ABHD5: variants seen among roughly 807,000 people sequenced by gnomAD.
ABHD5 encodes abhydrolase domain containing 5, lysophosphatidic acid acyltransferase, also known as 1-acylglycerol-3-phosphate O-acyltransferase ABHD5.
In ABHD5, 30 loss-of-function variants were observed where a neutral mutation model predicts 44.9. The observed-to-expected ratio is 0.67, with a 90% CI of 0.50 to 0.91. ABHD5 has a LOEUF of 0.91. Ranked by LOEUF, ABHD5 falls within the 40% of genes least tolerant of loss-of-function variation. The pLI is 0.00. For missense variants in ABHD5, 399 were observed against 423.4 expected (o/e 0.94, Z 0.50); for synonymous variants, 167 against 147.0 (o/e 1.14, Z -0.99).
chr3:43,704,041 T>C (rs867726657), intron 3 of ABHD5, among the ~76,000 whole-genome samples: 5 of 134,080 alleles, frequency 3.7e-5, no homozygotes, highest in Non-Finnish European at 6.5e-5. Flanking sequence ...TTCTTTTTTT[T>C]TTTTTTTTTT....
rs2084810108 is a variant in ABHD5 at position 43,719,669 on chromosome 3, A to C, written c.*1137A>C. Reference sequence around the variant, plus strand: ...ACTATTTTTTTAGGAACTACCATCAAGTGTAGCATTTTCTTGCAGTTTTAA... The same window carrying C: ...ACTATTTTTTTAGGAACTACCATCACGTGTAGCATTTTCTTGCAGTTTTAA... On this transcript the variant is annotated 3_prime_UTR_variant, in exon 7 of 7. Coordinates refer to ENST00000644371, the MANE Select transcript of ABHD5 (RefSeq NM_016006.6). The C allele has an allele frequency of 6.6e-6, 1 of 152,186 alleles. No individual in the cohort carries two copies. Among genetic ancestry groups the C allele is most frequent in the Non-Finnish European group, 1.5e-5 (1 of 68,022 alleles). The allele number at this position is 152,186 out of a possible 1,614,324, so 9.4% of individuals were successfully genotyped here. A position where few individuals can be genotyped will look rare whatever the true frequency, so the allele number is the denominator to read the frequency against.
intron 3 of ABHD5, among the ~76,000 whole-genome samples, chr3:43,708,536 G>T (rs1237234292): frequency 6.6e-6 from 1 of 152,088 alleles, no homozygotes; most frequent in African/African-American, 2.4e-5. Context: ...CCATGTTCCC[G>T]GGAATAAATT....
chr3:43,715,117 G>GTGTT (rs1269296993), intron 5 of ABHD5, 59 bp downstream of exon 5: 1 of 1,124,226 alleles, frequency 8.9e-7, no homozygotes, highest in Non-Finnish European at 1.3e-6. Context: ...GTGTGTGTGT[G>GTGTT]TGTTTGTGTG....
intron 1 of ABHD5, among the ~76,000 whole-genome samples, chr3:43,697,994 C>A (rs2084494175): frequency 6.6e-6 from 1 of 152,114 alleles, no homozygotes; most frequent in Non-Finnish European, 1.5e-5. Context: ...AATCACTCAG[C>A]AAACATTATT....
At chr3:43,694,460 G>C (rs1434917107) in intron 1 of ABHD5, among the ~76,000 whole-genome samples, 1 of 152,010 alleles carries the variant, frequency 6.6e-6, no homozygotes, top group Non-Finnish European at 1.5e-5. Flanking sequence ...AGGATTTTTA[G>C]TTTTATTCTC....
intron 2 of ABHD5, among the ~76,000 whole-genome samples, chr3:43,701,375 A>G (rs553006374): frequency 6.6e-6 from 1 of 152,150 alleles, no homozygotes; most frequent in East Asian, 1.9e-4. Context: ...AAAGGCAGAA[A>G]CTCCTGTTTC....
intron 1 of ABHD5, chr3:43,691,260 T>G: frequency 2.6e-6 from 1 of 385,774 alleles, no homozygotes. Flanking sequence ...CCGAGGTGTC[T>G]GAGCCGGACT....
At position 43,733,666 on chromosome 3, in the gene ABHD5, TGAG is replaced by T. The variant is rs3832260; in HGVS notation, c.*30-210_*30-208del. Among the ~76,000 whole-genome samples the T allele has an allele frequency of 2.4e-3, 367 of 152,324 alleles. 16 individuals are homozygous for T. In the East Asian group the frequency reaches 0.062, roughly 26 times the overall value. ...TTACATTTGAGTCACATTTCTCTCTTGAGGAGTAAATATAGTACAGTACTTCCC... is the reference window on the plus strand; with the variant it reads ...TTACATTTGAGTCACATTTCTCTCTTGAGTAAATATAGTACAGTACTTCCC... On this transcript the variant is annotated intron_variant, in intron 7 of 7. Coordinates refer to the ABHD5 transcript ENST00000454293.
chr3:43,722,203 A>T lies in ABHD5; in HGVS notation c.*3671A>T, dbSNP rs886058507. 6.6e-6 allele frequency: 1 copy of T among 152,242 alleles called. No homozygotes were observed. The highest frequency in any genetic ancestry group is 1.5e-5 in the Non-Finnish European group (1 of 68,046). The allele number at this position is 152,242 out of a possible 1,614,324, so 9.4% of individuals were successfully genotyped here. ...CCAAATCTCCATTGATAGGGAATTG[A>T]TGGAAGGAACTAGGGTATATCTATA... On this transcript the variant is annotated 3_prime_UTR_variant, in exon 7 of 7. Coordinates refer to ENST00000644371, the MANE Select transcript of ABHD5 (RefSeq NM_016006.6).
At chr3:43,726,620 T>C (rs1205766395), downstream of ABHD5, among the ~76,000 whole-genome samples, 2 of 152,212 alleles carry the variant, frequency 1.3e-5, no homozygotes, top group African/African-American at 4.8e-5. Flanking sequence ...GCACCAAAGA[T>C]GCCAGCAACT....
At chr3:43,723,932 T>A (rs995290096), downstream of ABHD5, among the ~76,000 whole-genome samples, 1 of 152,210 alleles carries the variant, frequency 6.6e-6, no homozygotes, top group Admixed American at 6.5e-5. Context: ...GTGACTTTTT[T>A]AAAAGCCCTT....
chr3:43,700,735 A>G (rs369857531), intron 2 of ABHD5, among the ~76,000 whole-genome samples: 37 of 151,680 alleles, frequency 2.4e-4, no homozygotes, highest in African/African-American at 8.8e-4. Context: ...CACCATACCC[A>G]GCTAATTTTT....
intron 3 of ABHD5, 68 bp from the exon 4 acceptor site, chr3:43,711,641 A>G (rs2084689261): frequency 6.4e-7 from 1 of 1,565,656 alleles, no homozygotes; most frequent in Non-Finnish European, 8.8e-7. Flanking sequence ...TTTATAAATC[A>G]TGTTAGCTCT....
chr3:43,730,498 C>CTTTT (rs2084905653), intron 7 of ABHD5, among the ~76,000 whole-genome samples: 1 of 129,510 alleles, frequency 7.7e-6, no homozygotes. Context: ...GAAAATAATC[C>CTTTT]CTTTTTTTTT....
chr3:43,709,447 A>T (rs1269323758), intron 3 of ABHD5, among the ~76,000 whole-genome samples: 1 of 152,232 alleles, frequency 6.6e-6, no homozygotes. Flanking sequence ...CTACAGACAG[A>T]TGAGACTTCT....
chr3:43,715,848 G>A (rs2084756207), intron 5 of ABHD5, among the ~76,000 whole-genome samples: 1 of 152,070 alleles, frequency 6.6e-6, no homozygotes, highest in African/African-American at 2.4e-5. Context: ...TATACCGAAG[G>A]GTATTGAATC....
At chr3:43,692,740 G>T (rs987685225) in intron 1 of ABHD5, among the ~76,000 whole-genome samples, 1 of 152,162 alleles carries the variant, frequency 6.6e-6, no homozygotes, top group African/African-American at 2.4e-5. Flanking sequence ...AAGTAGCAGG[G>T]CTGGATTGGA....
In ABHD5 at chr3:43,709,582, A is replaced by G. The variant is rs368647494; in HGVS notation, c.507-2127A>G. ...TGTTTAGGGTAGGGTATGTTTTAAT[A>G]AAGAGTTCATTTTTCTCTTTGGGAG... is the stretch of plus-strand genomic sequence containing the variant. On this transcript the variant is annotated intron_variant, in intron 3 of 6. Coordinates refer to ENST00000644371, the MANE Select transcript of ABHD5 (RefSeq NM_016006.6). 9.8e-5 allele frequency among the ~76,000 whole-genome samples: 15 copies of G among 152,306 alleles called. No homozygotes were observed. The South Asian group carries it at 3.1e-3, about 32-fold the overall frequency.
Position 43,718,572 on chromosome 3 carries a change from T to C in ABHD5, c.*40T>C, listed in dbSNP as rs770281940. The stretch of plus-strand genomic sequence containing the variant: ...TGATGGGAAAACCTGGTGACTGATA[T>C]AGTTGTTCAGCAATAATTCATAGTC... On this transcript the variant is annotated 3_prime_UTR_variant, in exon 7 of 7. Transcript: ENST00000644371. 43 of 1,569,440 alleles carry C rather than the reference T, an allele frequency of 2.7e-5. 1 individual carries two copies. Among genetic ancestry groups the C allele is most frequent in the African/African-American group, 5.4e-5 (4 of 73,918 alleles).
Sources: allele counts gnomAD v4.1 joint callset (sites outside exome capture counted in the v4.1 genomes callset), GRCh38; gene constraint gnomAD v4.1.1; transcripts MANE v1.5; gene names NCBI Gene and HGNC (gene_info 2026-07-23, HGNC 2026-07-21).